ZNF124: variants seen among roughly 807,000 people sequenced by gnomAD.
ZNF124 encodes the protein zinc finger protein HZF-16.
A neutral mutation model predicts 26.6 loss-of-function variants in ZNF124; 25 were observed. The ratio of observed to expected loss-of-function variants is 0.94; its 90% CI spans 0.68 to 1.31. ZNF124 has a LOEUF of 1.31. ZNF124 is among the 40% of genes most tolerant of loss of function. ZNF124 has a pLI of 0.00. For missense variants in ZNF124, 444 were observed against 422.2 expected (o/e 1.05, Z -0.45); for synonymous variants, 129 against 133.3 (o/e 0.97, Z 0.22).
intron 1 of ZNF124, among the ~76,000 whole-genome samples, chr1:247,167,008 G>A (rs184716399): frequency 5.9e-5 from 9 of 152,292 alleles, no homozygotes; most frequent in Middle Eastern, 3.4e-3. Context: ...TCAGTGTAAT[G>A]TATGACATTT....
intron 3 of ZNF124, among the ~76,000 whole-genome samples, chr1:247,131,945 G>T (rs1271604332): frequency 1.3e-5 from 2 of 152,124 alleles, no homozygotes; most frequent in African/African-American, 2.4e-5. Context: ...CATTAAACGG[G>T]TCCTTTTCCC....
chr1:247,132,086 T>G (rs1198518542), intron 3 of ZNF124, among the ~76,000 whole-genome samples: 1 of 152,150 alleles, frequency 6.6e-6, no homozygotes, highest in Non-Finnish European at 1.5e-5. Flanking sequence ...CACCCATCTT[T>G]GCTCTTCTCT....
rs1332477345 is a variant in ZNF124 at position 247,157,101 on chromosome 1, C to T, written c.521G>A (p.Gly174Glu). ...TTGCTTACATTCATAGCGTTTTTCT[C>T]CAGTGTGAATCCTTTTATGTCTATT... ...SLNRHKRIHT[G>E]EKRYECKQCG... Residue 174 changes from glycine to glutamate, a missense_variant, in exon 4 of 4, where the codon GGA becomes GAA. Gly to Glu is a moderately conservative substitution (Grantham distance 98). Coordinates refer to ENST00000543802, the MANE Select transcript of ZNF124 (RefSeq NM_001297568.2). 11 of 1,614,152 alleles carry T rather than the reference C, an allele frequency of 6.8e-6. No homozygotes were observed. The highest frequency in any genetic ancestry group is 8.5e-6 in the Non-Finnish European group (10 of 1,180,036).
Position 247,168,872 on chromosome 1 carries a change from T to C in ZNF124, c.30+2976A>G, listed in dbSNP as rs920418519. Among the ~76,000 whole-genome samples, 3 of 151,762 alleles carry C rather than the reference T, an allele frequency of 2.0e-5. No individual in the cohort carries two copies. The highest frequency in any genetic ancestry group is 7.3e-5 in the African/African-American group (3 of 41,296). ...ATTTGGGGGCAAGGGTGGGAGGGGG[T>C]GAGACTGCATATTGGGTACAGCGTA... On this transcript the variant is annotated intron_variant, in intron 1 of 3. Transcript: ENST00000543802. The surrounding 1 kb of genome is among the most constrained non-coding windows in gnomAD (Gnocchi z 4.0).
chr1:247,136,930 G>C lies in ZNF124; in HGVS notation c.219-13059C>G, dbSNP rs1482540818. Among the ~76,000 whole-genome samples the C allele has an allele frequency of 4.0e-5, 6 of 149,428 alleles. No individual in the cohort carries two copies. The East Asian group carries it at 1.2e-3, about 29-fold the overall frequency. ...CCACCGCACTCTAGCCTGGGCAACAGAGTCAGACCCATCTCAAAAAAAAAA... is the reference window on the plus strand; with the variant it reads ...CCACCGCACTCTAGCCTGGGCAACACAGTCAGACCCATCTCAAAAAAAAAA... On this transcript the variant is annotated intron_variant, in intron 3 of 3. Coordinates refer to the ZNF124 transcript ENST00000472531.
chr1:247,122,291 T>G (rs1439856071), exon 4 of ZNF124: 2 of 152,254 alleles, frequency 1.3e-5, no homozygotes, highest in African/African-American at 4.8e-5. Flanking sequence ...TCGTTTAACA[T>G]GTATAACACA....
intron 1 of ZNF124, among the ~76,000 whole-genome samples, chr1:247,166,588 CAT>C (rs1200056873): frequency 6.6e-6 from 1 of 152,094 alleles, no homozygotes; most frequent in African/African-American, 2.4e-5. Context: ...GAGTAAAACA[CAT>C]ATAAAAGAAA....
At position 247,168,640 on chromosome 1, in the gene ZNF124, G is replaced by C. The variant is rs1673915163; in HGVS notation, c.30+3208C>G. On this transcript the variant is annotated intron_variant, in intron 1 of 3. Transcript: ENST00000543802. This position sits in a 1 kb window ranked among gnomAD's most constrained non-coding sequence, Gnocchi z 4.0. ...ACCTAAAATGCCCATCAACCAATGA[G>C]GGGATAAAGAAAATGTGGTGGAATA... 6.6e-6 allele frequency among the ~76,000 whole-genome samples: 1 copy of C among 152,202 alleles called. No individual in the cohort carries two copies. Among genetic ancestry groups the C allele is most frequent in the African/African-American group, 2.4e-5 (1 of 41,454 alleles).
At chr1:247,163,394 TAAAG>T (rs1441977974) in intron 1 of ZNF124, among the ~76,000 whole-genome samples, 1 of 150,202 alleles carries the variant, frequency 6.7e-6, no homozygotes, top group African/African-American at 2.5e-5. Flanking sequence ...GCTAGACTAA[TAAAG>T]AAAAGGAGAG....
At chr1:247,153,988 G>T (rs940835466), downstream of ZNF124, among the ~76,000 whole-genome samples, 9 of 152,172 alleles carry the variant, frequency 5.9e-5, no homozygotes, top group African/African-American at 2.2e-4. Context: ...CATAACAGCA[G>T]CAAGAGAAAA....
intron 1 of ZNF124, 80 bp from the exon 2 acceptor site, chr1:247,159,893 T>C (rs4925786): frequency 0.093 from 141,356 of 1,513,546 alleles, 7,804 homozygotes; most frequent in Admixed American, 0.19. Flanking sequence ...AAGATGTTCA[T>C]CTGATTCTGT....
intron 2 of ZNF124, 33 bp downstream of exon 2, chr1:247,159,654 A>G: frequency 6.2e-7 from 1 of 1,602,138 alleles, no homozygotes; most frequent in Non-Finnish European, 8.5e-7. Context: ...TTACTTTCTG[A>G]TTGACTAAGT....
At chr1:247,159,581 C>T (rs1003091895) in intron 2 of ZNF124, 106 bp downstream of exon 2, 7 of 1,210,334 alleles carry the variant, frequency 5.8e-6, no homozygotes, top group East Asian at 2.4e-5. Flanking sequence ...GCCTCATTCA[C>T]TCATCAAAGT....
downstream of ZNF124, among the ~76,000 whole-genome samples, chr1:247,150,160 C>T (rs6663210): frequency 0.13 from 19,937 of 152,162 alleles, 1,858 homozygotes; most frequent in African/African-American, 0.25. Flanking sequence ...GCAGATGATA[C>T]TGATTTTGTA....
Position 247,160,049 on chromosome 1 carries a change from C to T in ZNF124, c.31-236G>A, listed in dbSNP as rs150923519. ...TTGCCAGGCTGGAGTGCAGTGGCAC[C>T]GTCTCAGCTCACTGCAATCTTCGCC... is the stretch of plus-strand genomic sequence containing the variant. On this transcript the variant is annotated intron_variant, in intron 1 of 3. Transcript: ENST00000543802. Among the ~76,000 whole-genome samples the T allele has an allele frequency of 8.9e-3, 1,316 of 147,754 alleles. 27 individuals carry two copies. Among genetic ancestry groups the T allele is most frequent in the African/African-American group, 0.03 (1,202 of 39,468 alleles).
Position 247,156,384 on chromosome 1 carries a change from A to C in ZNF124, c.*182T>G. 8.0e-7 allele frequency: 1 copy of C among 1,255,774 alleles called. No homozygotes were observed. Among genetic ancestry groups the C allele is most frequent in the Non-Finnish European group, 1.0e-6 (1 of 1,000,854 alleles). 77.8% of individuals were successfully genotyped at this position (1,255,774 alleles called of 1,614,324 possible). On this transcript the variant is annotated 3_prime_UTR_variant, in exon 4 of 4. Coordinates refer to ENST00000543802, the MANE Select transcript of ZNF124 (RefSeq NM_001297568.2). ...AGTCCTTTCAAGTTTTCAAAAAGAA[A>C]TGGAAAAATTGAATGCTTTACCTTA... is the stretch of plus-strand genomic sequence containing the variant.
chr1:247,161,271 T>C (rs371057720), intron 1 of ZNF124, among the ~76,000 whole-genome samples: 7 of 152,158 alleles, frequency 4.6e-5, no homozygotes, highest in African/African-American at 1.7e-4. Context: ...TTAGCTGGAA[T>C]TGATATGGAA....
intron 3 of ZNF124, among the ~76,000 whole-genome samples, chr1:247,147,808 A>G (rs907224305): frequency 9.9e-5 from 15 of 152,114 alleles, no homozygotes; most frequent in African/African-American, 3.6e-4. Flanking sequence ...GGGAAGCACA[A>G]ACACATACAA....
At position 247,167,053 on chromosome 1, in the gene ZNF124, G is replaced by A. The variant is rs138443517; in HGVS notation, c.30+4795C>T. ...CTGAAATATCGTAGCTATTGCAACGGATGCAGGAAAAGTATTTGGCAAATT... is the reference window on the plus strand; with the variant it reads ...CTGAAATATCGTAGCTATTGCAACGAATGCAGGAAAAGTATTTGGCAAATT... On this transcript the variant is annotated intron_variant, in intron 1 of 3. Transcript: ENST00000543802. Among the ~76,000 whole-genome samples the A allele has an allele frequency of 9.3e-3, 1,417 of 152,280 alleles. 10 individuals are homozygous for A. The highest frequency in any genetic ancestry group is 0.014 in the Middle Eastern group (4 of 294).
Sources: allele counts gnomAD v4.1 joint callset (sites outside exome capture counted in the v4.1 genomes callset), GRCh38; gene constraint gnomAD v4.1.1; non-coding constraint Gnocchi (gnomAD v3.1); transcripts MANE v1.5; gene names NCBI Gene and HGNC (gene_info 2026-07-23, HGNC 2026-07-21).